A2M: variants seen among roughly 807,000 people sequenced by gnomAD.
A2M encodes the protein C3 and PZP-like alpha-2-macroglobulin domain-containing protein 5.
In A2M, 128 loss-of-function variants were observed where a neutral mutation model predicts 183.9. That is an observed-to-expected ratio of 0.70 (90% CI 0.60 to 0.81). The LOEUF (loss-of-function observed/expected upper bound fraction) is 0.81, where lower values mean the gene tolerates loss of function less well. Among genes scored for constraint, A2M ranks in the 30% least tolerant of loss-of-function variants. A2M has a pLI of 0.00. For missense variants in A2M, 1,495 were observed against 1,787.6 expected (o/e 0.84, Z 2.95); for synonymous variants, 592 against 670.8 (o/e 0.88, Z 1.81).
At chr12:9,098,413 A>G (rs1949449360) in intron 15 of A2M, 194 bp downstream of exon 15, 1 of 327,564 alleles carries the variant, frequency 3.1e-6, no homozygotes, top group Non-Finnish European at 5.1e-6. Context: ...TATTTTTTTA[A>G]CTGCAGAAGT....
At chr12:9,073,858 C>T (rs896908680) in intron 29 of A2M, among the ~76,000 whole-genome samples, 4 of 151,976 alleles carry the variant, frequency 2.6e-5, no homozygotes, top group African/African-American at 9.7e-5. Context: ...GAGGCCAAGG[C>T]GGATGGATTG....
chr12:9,104,093 A>T, intron 11 of A2M, 146 bp downstream of exon 11: 1 of 806,952 alleles, frequency 1.2e-6, no homozygotes, highest in Non-Finnish European at 1.9e-6. Context: ...CATAAACTTT[A>T]AAAAAGTTAA....
In A2M at chr12:9,095,098, T is replaced by G; in HGVS notation, c.2014-14A>C. ...TAAGCCCATGTCCTGCAAAGAAAAT[T>G]ATCATCTAATCAGTAAATATATATT... On this transcript the variant is annotated splice_polypyrimidine_tract_variant and intron_variant, in intron 16 of 35. Coordinates refer to ENST00000318602, the MANE Select transcript of A2M (RefSeq NM_000014.6). The G allele has an allele frequency of 7.5e-7, 1 of 1,340,596 alleles. No individual in the cohort carries two copies. The highest frequency in any genetic ancestry group is 1.5e-5 in the African/African-American group (1 of 68,784). 83.0% of individuals were successfully genotyped at this position (1,340,596 alleles called of 1,614,324 possible).
In A2M at chr12:9,115,901, C is replaced by T; in HGVS notation, c.-52G>A. The T allele has an allele frequency of 6.9e-7, 1 of 1,454,948 alleles. No homozygotes were observed. The highest frequency in any genetic ancestry group is 1.1e-5 in the South Asian group (1 of 87,660). The allele number at this position is 1,454,948 out of a possible 1,614,324, so 90.1% of individuals were successfully genotyped here. A position where few individuals can be genotyped will look rare whatever the true frequency, so the allele number is the denominator to read the frequency against. On this transcript the variant is annotated 5_prime_UTR_variant, in exon 1 of 36. Coordinates refer to ENST00000318602, the MANE Select transcript of A2M (RefSeq NM_000014.6). ...AACAGACTGTATTGTACCCTACTCC[C>T]TACAATCCATCTGGTCCCAAACACT... is the stretch of plus-strand genomic sequence containing the variant.
At chr12:9,081,673 G>A (rs931221644) in intron 22 of A2M, among the ~76,000 whole-genome samples, 1 of 152,248 alleles carries the variant, frequency 6.6e-6, no homozygotes, top group African/African-American at 2.4e-5. Context: ...CACAATGCCA[G>A]ATAGAGAGGA....
At position 9,067,956 on chromosome 12, in the gene A2M, G is replaced by GA; in HGVS notation, c.4409-118dup. On this transcript the variant is annotated intron_variant, in intron 35 of 35. Coordinates refer to ENST00000318602, the MANE Select transcript of A2M (RefSeq NM_000014.6). ...CAAGGAAACCTAATCAGTACAGTGG[G>GA]AAACCAAATCTATTCCAAATCATTA... 11 of 1,093,482 alleles carry GA rather than the reference G, an allele frequency of 1.0e-5. 1 individual carries two copies. The highest frequency in any genetic ancestry group is 9.6e-6 in the Non-Finnish European group (7 of 732,042). The allele number at this position is 1,093,482 out of a possible 1,614,324, so 67.7% of individuals were successfully genotyped here. A position where few individuals can be genotyped will look rare whatever the true frequency, so the allele number is the denominator to read the frequency against.
rs1460112546 is a variant in A2M at position 9,109,312 on chromosome 12, T to C, written c.758+9A>G. 1 of 1,602,700 alleles carries C rather than the reference T, an allele frequency of 6.2e-7. No individual in the cohort carries two copies. Among genetic ancestry groups the C allele is most frequent in the Admixed American group, 1.7e-5 (1 of 59,906 alleles). On this transcript the variant is annotated intron_variant, in intron 7 of 35. Coordinates refer to ENST00000318602, the MANE Select transcript of A2M (RefSeq NM_000014.6). Reference sequence around the variant, plus strand: ...TCCCCCACAAAAGATTTTTAAAAAATGAACTCACAGGCCACACACTGATAC... The same window carrying C: ...TCCCCCACAAAAGATTTTTAAAAAACGAACTCACAGGCCACACACTGATAC...
intron 22 of A2M, among the ~76,000 whole-genome samples, chr12:9,080,558 CCAA>C (rs1341549445): frequency 6.6e-6 from 1 of 152,064 alleles, no homozygotes; most frequent in Non-Finnish European, 1.5e-5. Flanking sequence ...GGAGAAAACA[CCAA>C]CAACAAAGCC....
intron 22 of A2M, among the ~76,000 whole-genome samples, chr12:9,084,837 G>A (rs1246315942): frequency 6.6e-6 from 1 of 152,060 alleles, no homozygotes; most frequent in African/African-American, 2.4e-5. Flanking sequence ...GAAGGAAAAA[G>A]ATGTTCTAGG....
At position 9,112,452 on chromosome 12, in the gene A2M, T is replaced by G; in HGVS notation, c.355A>C (p.Thr119Pro). Residue 119 changes from threonine to proline, a missense_variant, in exon 3 of 36, where the codon ACA becomes CCA. Coordinates refer to ENST00000318602, the MANE Select transcript of A2M (RefSeq NM_000014.6). ...GPTQEFKKRTTVMVKNEDSLV... is the reference protein window; with the variant it reads ...GPTQEFKKRTPVMVKNEDSLV... ...CTGTCCTCGTTCTTAACCATCACTGTGGTCCGCTTCTTAAATTCTTGGGTT... is the reference window on the plus strand; with the variant it reads ...CTGTCCTCGTTCTTAACCATCACTGGGGTCCGCTTCTTAAATTCTTGGGTT... 6.2e-7 allele frequency: 1 copy of G among 1,613,902 alleles called. No individual in the cohort carries two copies. The highest frequency in any genetic ancestry group is 8.5e-7 in the Non-Finnish European group (1 of 1,179,788).
intron 7 of A2M, among the ~76,000 whole-genome samples, chr12:9,108,240 C>T (rs527460070): frequency 6.6e-6 from 1 of 152,150 alleles, no homozygotes; most frequent in African/African-American, 2.4e-5. Context: ...ATTCTCCTGC[C>T]TCAGCTTCCC....
At chr12:9,095,415 C>T in intron 16 of A2M, 124 bp downstream of exon 16, 2 of 910,018 alleles carry the variant, frequency 2.2e-6, no homozygotes, top group Non-Finnish European at 3.2e-6. Context: ...GTAGAGAAGC[C>T]ACTTACCTCT....
chr12:9,068,033 C>T, intron 35 of A2M, 150 bp downstream of exon 35: 1 of 1,029,960 alleles, frequency 9.7e-7, no homozygotes, highest in Non-Finnish European at 1.4e-6. Context: ...CAGCGGCCCT[C>T]TCCAATAAAT....
At chr12:9,111,943 G>T in intron 4 of A2M, 1 of 713,634 alleles carries the variant, frequency 1.4e-6, no homozygotes, top group South Asian at 1.4e-5. Context: ...TTAATTGTGT[G>T]ACAACTGACT....
chr12:9,110,299 T>C lies in A2M; in HGVS notation c.504+15A>G. The C allele has an allele frequency of 2.0e-6, 3 of 1,468,612 alleles. No individual in the cohort carries two copies. Among genetic ancestry groups the C allele is most frequent in the Non-Finnish European group, 2.8e-6 (3 of 1,082,972 alleles). 91.0% of individuals were successfully genotyped at this position (1,468,612 alleles called of 1,614,324 possible). On this transcript the variant is annotated intron_variant, in intron 5 of 35. Transcript: ENST00000318602. ...ATTGCTTTCCTTTTAATATGGAATG[T>C]TTCATGTTGCTTACCTGAATGTATA...
chr12:9,072,338 G>A, intron 31 of A2M, 21 bp downstream of exon 31: 1 of 1,612,620 alleles, frequency 6.2e-7, no homozygotes, highest in Non-Finnish European at 8.5e-7. Context: ...AGGATTAGGT[G>A]ATAGAGTCAG....
At chr12:9,108,448 G>T (rs1404254491) in intron 7 of A2M, among the ~76,000 whole-genome samples, 1 of 152,156 alleles carries the variant, frequency 6.6e-6, no homozygotes, top group South Asian at 2.1e-4. Flanking sequence ...TACAAAAGTG[G>T]GATTGTGTCG....
intron 33 of A2M, 66 bp from the exon 34 acceptor site, chr12:9,068,908 G>C: frequency 8.6e-7 from 1 of 1,160,048 alleles, no homozygotes; most frequent in Non-Finnish European, 1.2e-6. Context: ...ATTAGTTTAA[G>C]TATTCACCTG....
At position 9,113,502 on chromosome 12, in the gene A2M, G is replaced by A. The variant is rs374129556; in HGVS notation, c.128C>T (p.Thr43Ile). Reference protein sequence around the residue: ...VLVPSLLHTETTEKGCVLLSY... With the variant: ...VLVPSLLHTEITEKGCVLLSY... Reference sequence around the variant, plus strand: ...CAGAAGGACACAGCCCTTCTCAGTGGTCTCAGTGTGGAGCAGGGAGGGGAC... The same window carrying A: ...CAGAAGGACACAGCCCTTCTCAGTGATCTCAGTGTGGAGCAGGGAGGGGAC... Residue 43 changes from threonine (T) to isoleucine (I), a missense_variant, in exon 2 of 36, where the codon ACC becomes ATC. Thr to Ile is a moderately conservative substitution (Grantham distance 89, BLOSUM62 -1). Transcript: ENST00000318602. The A allele has an allele frequency of 1.2e-6, 2 of 1,613,928 alleles. No individual in the cohort carries two copies. Among genetic ancestry groups the A allele is most frequent in the African/African-American group, 2.7e-5 (2 of 74,968 alleles).
Sources: gnomAD v4.1 joint callset for allele counts (sites outside exome capture counted in the v4.1 genomes callset) on GRCh38, gnomAD v4.1.1 for gene constraint, MANE v1.5 for transcripts, NCBI Gene and HGNC (gene_info 2026-07-23, HGNC 2026-07-21) for gene names.